SLC66A2: variants seen among roughly 807,000 people sequenced by gnomAD.
SLC66A2 encodes the protein solute carrier family 66 member 2.
In SLC66A2, 23 loss-of-function variants were observed where a neutral mutation model predicts 25.5. That is an observed-to-expected ratio of 0.90 (90% CI 0.65 to 1.28). The LOEUF (loss-of-function observed/expected upper bound fraction) is 1.28, where lower values mean the gene tolerates loss of function less well. Among genes scored for constraint, SLC66A2 ranks in the 50% most tolerant of loss-of-function variants. SLC66A2 has a pLI of 0.00. For missense variants in SLC66A2, 396 were observed against 373.1 expected, an observed-to-expected ratio of 1.06 and a Z score of -0.51; for synonymous variants, 193 against 166.5, an observed-to-expected ratio of 1.16 and a Z score of -1.23.
intron 4 of SLC66A2, among the ~76,000 whole-genome samples, chr18:79,931,345 A>C (rs761927315): frequency 2.0e-5 from 3 of 152,226 alleles, no homozygotes; most frequent in Non-Finnish European, 4.4e-5. Context: ...GACATAAAAA[A>C]GTTAAAAGTA....
rs1987861495 is a variant in SLC66A2 at position 79,943,327 on chromosome 18, A to G, written c.337+2T>C. 1 of 1,613,404 alleles carries G rather than the reference A, an allele frequency of 6.2e-7. No individual in the cohort carries two copies. The highest frequency in any genetic ancestry group is 1.3e-5 in the African/African-American group (1 of 74,812). On this transcript the variant is annotated splice_donor_variant, in intron 3 of 5. Coordinates refer to ENST00000397778, the MANE Select transcript of SLC66A2 (RefSeq NM_025078.5). LOFTEE classifies it high-confidence loss of function. ...CTTTATTCCGAAGCGCCGGCCACCA[A>G]CCTGTAAAGGAGCGGCGCCTGGCGT...
intron 4 of SLC66A2, among the ~76,000 whole-genome samples, chr18:79,929,456 C>T (rs1986341579): frequency 6.6e-6 from 1 of 152,166 alleles, no homozygotes. Flanking sequence ...CATCCTTCCC[C>T]CAAGTGGGGG....
intron 5 of SLC66A2, among the ~76,000 whole-genome samples, chr18:79,910,822 G>A (rs1156422591): frequency 6.6e-6 from 1 of 152,228 alleles, no homozygotes; most frequent in Non-Finnish European, 1.5e-5. Flanking sequence ...GACAGACAAC[G>A]TCCCTCCTCA....
chr18:79,908,541 T>A (rs1282652594), intron 5 of SLC66A2, among the ~76,000 whole-genome samples: 2 of 152,228 alleles, frequency 1.3e-5, no homozygotes, highest in Non-Finnish European at 2.9e-5. Context: ...ACTTCTTACA[T>A]CTATGTTTGT....
chr18:79,949,999 G>T (rs1017387414), intron 2 of SLC66A2, among the ~76,000 whole-genome samples: 1 of 152,164 alleles, frequency 6.6e-6, no homozygotes, highest in Non-Finnish European at 1.5e-5. Flanking sequence ...AATACAAAGA[G>T]GAAGTTGGGG....
chr18:79,948,787 G>A (rs974844024), intron 2 of SLC66A2, among the ~76,000 whole-genome samples: 1 of 152,140 alleles, frequency 6.6e-6, no homozygotes, highest in Non-Finnish European at 1.5e-5. Context: ...CCCTGAAGAC[G>A]AGTGCAGCGC....
rs556585165 is a variant in SLC66A2 at position 79,904,262 on chromosome 18, G to T, written c.609-79C>A. ...AGTCAGTGGGGAGGCCTGGGGCTTA[G>T]ACAGCGGGGAGACCTGGGGCTCAGG... On this transcript the variant is annotated intron_variant, in intron 5 of 5. Transcript: ENST00000397778. This position sits in a 1 kb window ranked among gnomAD's most constrained non-coding sequence, Gnocchi z 6.3. 2 of 1,319,720 alleles carry T rather than the reference G, an allele frequency of 1.5e-6. No individual in the cohort carries two copies. The highest frequency in any genetic ancestry group is 2.2e-6 in the Non-Finnish European group (2 of 926,538). The allele number at this position is 1,319,720 out of a possible 1,614,324, so 81.8% of individuals were successfully genotyped here. A position where few individuals can be genotyped will look rare whatever the true frequency, so the allele number is the denominator to read the frequency against.
At chr18:79,914,194 G>A (rs1448322636) in intron 5 of SLC66A2, among the ~76,000 whole-genome samples, 6 of 152,214 alleles carry the variant, frequency 3.9e-5, no homozygotes, top group East Asian at 3.9e-4. Context: ...GTGAGCCACC[G>A]CGCCCAGCCC....
intron 4 of SLC66A2, among the ~76,000 whole-genome samples, chr18:79,931,696 A>G (rs1986585284): frequency 6.6e-6 from 1 of 152,208 alleles, no homozygotes; most frequent in African/African-American, 2.4e-5. Flanking sequence ...ATGCTAGGCC[A>G]TAAGATGTGC....
chr18:79,916,193 C>CGGTGCTCCCGTACCCAT lies in SLC66A2; in HGVS notation c.608+2990_608+2991insATGGGTACGGGAGCACC, dbSNP rs144736796. ...GTGCTCCCGTACCCTCCCATACCCA[C>CGGTGCTCCCGTACCCAT]GGTGCTCCCGTACCCGCGGCGCTCT... On this transcript the variant is annotated intron_variant, in intron 5 of 5. Transcript: ENST00000397778. Among the ~76,000 whole-genome samples the CGGTGCTCCCGTACCCAT allele has an allele frequency of 7.9e-4, 37 of 46,916 alleles. 1 individual carries two copies. The highest frequency in any genetic ancestry group is 1.6e-3 in the Admixed American group (6 of 3,690). The allele number at this position is 46,916 out of a possible 152,430, so 30.8% of individuals were successfully genotyped here.
rs550316999 is a variant in SLC66A2 at position 79,951,273 on chromosome 18, C to A, written c.-99-248G>T. Among the ~76,000 whole-genome samples, 6 of 151,738 alleles carry A rather than the reference C, an allele frequency of 4.0e-5. No individual in the cohort carries two copies. The South Asian group carries it at 1.2e-3, about 31-fold the overall frequency. ...CGGGCGAAGCCCCTGGGGTCACCGC[C>A]CGGGTGCGCTTAGCCGGCGGGGGTC... On this transcript the variant is annotated intron_variant, in intron 1 of 5. Coordinates refer to ENST00000397778, the MANE Select transcript of SLC66A2 (RefSeq NM_025078.5).
intron 2 of SLC66A2, among the ~76,000 whole-genome samples, chr18:79,946,417 C>T (rs1285675431): frequency 6.6e-6 from 1 of 152,246 alleles, no homozygotes; most frequent in East Asian, 1.9e-4. Flanking sequence ...CTGTGCTGGC[C>T]ATGAACTTAG....
chr18:79,906,604 C>T (rs1245883518), intron 5 of SLC66A2, among the ~76,000 whole-genome samples: 3 of 152,112 alleles, frequency 2.0e-5, no homozygotes, highest in Non-Finnish European at 2.9e-5. Context: ...AATTTCAGTT[C>T]TTTTTTAAAA....
rs1981800426 is a variant in SLC66A2 at position 79,904,685 on chromosome 18, G to A, written c.609-502C>T. On this transcript the variant is annotated intron_variant, in intron 5 of 5. Transcript: ENST00000397778. The surrounding 1 kb of genome is among the most constrained non-coding windows in gnomAD (Gnocchi z 6.3). ...AAGTGGAGCAGAGCAGCTGCTTTTG[G>A]GTCTCTGCCGGCCTCCCTCCCTGGT... Among the ~76,000 whole-genome samples the A allele has an allele frequency of 6.6e-6, 1 of 152,140 alleles. No individual in the cohort carries two copies. Among genetic ancestry groups the A allele is most frequent in the South Asian group, 2.1e-4 (1 of 4,834 alleles).
rs1196918887 is a variant in SLC66A2, at chr18:79,903,424, C to T, written c.*552G>A. The T allele has an allele frequency of 6.5e-6, 1 of 153,828 alleles. No individual in the cohort carries two copies. The highest frequency in any genetic ancestry group is 2.4e-5 in the African/African-American group (1 of 41,488). 9.5% of individuals were successfully genotyped at this position (153,828 alleles called of 1,614,324 possible). A position where few individuals can be genotyped will look rare whatever the true frequency, so the allele number is the denominator to read the frequency against. On this transcript the variant is annotated 3_prime_UTR_variant, in exon 6 of 6. Coordinates refer to ENST00000397778, the MANE Select transcript of SLC66A2 (RefSeq NM_025078.5). ...TCAGAAAACCCGGAGCACGGTGACCCTGCGTCCGCACAGCCGCCTTTCCGT... is the reference window on the plus strand; with the variant it reads ...TCAGAAAACCCGGAGCACGGTGACCTTGCGTCCGCACAGCCGCCTTTCCGT...
At chr18:79,925,097 CT>C (rs1387803983) in intron 4 of SLC66A2, 1 of 152,212 alleles carries the variant, frequency 6.6e-6, no homozygotes, top group Admixed American at 6.5e-5. Context: ...TGAGACATTC[CT>C]GTGTCAGGAG....
At chr18:79,916,460 G>A (rs866373281) in intron 5 of SLC66A2, among the ~76,000 whole-genome samples, 11 of 152,218 alleles carry the variant, frequency 7.2e-5, no homozygotes, top group South Asian at 2.1e-4. Context: ...GGGTCCTGCC[G>A]ACATCCTGGA....
rs1599545467 is a variant in SLC66A2 at position 79,918,613 on chromosome 18, G to A, written c.608+571C>T. Reference sequence around the variant, plus strand: ...ATCCAGGACCTTGACTGAGCCCGTGGGCATCATGCTGCTCGCGTTGTGCCC... The same window carrying A: ...ATCCAGGACCTTGACTGAGCCCGTGAGCATCATGCTGCTCGCGTTGTGCCC... On this transcript the variant is annotated intron_variant, in intron 5 of 5. Coordinates refer to ENST00000397778, the MANE Select transcript of SLC66A2 (RefSeq NM_025078.5). The surrounding 1 kb of genome is among the most constrained non-coding windows in gnomAD (Gnocchi z 4.0). Among the ~76,000 whole-genome samples, 1 of 152,366 alleles carries A rather than the reference G, an allele frequency of 6.6e-6. No homozygotes were observed. Among genetic ancestry groups the A allele is most frequent in the East Asian group, 1.9e-4 (1 of 5,186 alleles).
intron 2 of SLC66A2, among the ~76,000 whole-genome samples, chr18:79,949,175 C>G (rs1319943860): frequency 1.3e-5 from 2 of 152,152 alleles, no homozygotes; most frequent in African/African-American, 2.4e-5. Flanking sequence ...CCTAAAAATC[C>G]CTGGCAGGGG....
Sources: gnomAD v4.1 joint callset for allele counts (sites outside exome capture counted in the v4.1 genomes callset) on GRCh38, gnomAD v4.1.1 for gene constraint, Gnocchi (gnomAD v3.1) non-coding constraint, MANE v1.5 for transcripts, NCBI Gene and HGNC (gene_info 2026-07-23, HGNC 2026-07-21) for gene names.